The following PITPNM2 variants were observed in gnomAD, a reference collection of about 807,000 sequenced individuals.
PITPNM2 encodes the protein membrane-associated phosphatidylinositol transfer protein 2.
A neutral mutation model predicts 132.2 loss-of-function variants in PITPNM2; 35 were observed. That is an observed-to-expected ratio of 0.26 (90% CI 0.20 to 0.35). PITPNM2 has a LOEUF of 0.35. PITPNM2 is among the 10% of genes least tolerant of loss of function. The pLI is 1.00. For missense variants in PITPNM2, 1,332 were observed against 1,912.0 expected, an observed-to-expected ratio of 0.70 and a Z score of 5.66; for synonymous variants, 738 against 799.2, an observed-to-expected ratio of 0.92 and a Z score of 1.29.
intron 11 of PITPNM2, 116 bp from the exon 12 acceptor site, chr12:122,997,026 C>T (rs2038459160): frequency 9.0e-7 from 1 of 1,115,746 alleles, no homozygotes; most frequent in Non-Finnish European, 1.2e-6. Flanking sequence ...AGGACCCTTC[C>T]CGGCCAGGGC....
chr12:122,994,877 G>T lies in PITPNM2; in HGVS notation c.2157C>A (p.Ile719=), dbSNP rs759424312. 6.2e-7 allele frequency: 1 copy of T among 1,612,310 alleles called. No homozygotes were observed. ...TGALGRFDFE[I]TDLFLFGCPL... is the part of the protein sequence containing the mutation. ...GGCACCCGAAGAGGAAGAGGTCGGT[G>T]ATCTCAAAGTCAAACCTGCCCAGGG... Residue 719 remains isoleucine, a synonymous_variant, in exon 15 of 26, where the codon ATC becomes ATA. Transcript: ENST00000320201. The surrounding 1 kb of genome is among the most constrained non-coding windows in gnomAD (Gnocchi z 5.4).
chr12:122,990,305 G>A (rs534062224), intron 17 of PITPNM2, among the ~76,000 whole-genome samples: 2 of 152,372 alleles, frequency 1.3e-5, no homozygotes, highest in African/African-American at 4.8e-5. Flanking sequence ...ATCCTCCTGA[G>A]AAGGCGAAGC....
Position 123,117,692 on chromosome 12 carries a change from G to A in PITPNM2, c.-199-7204C>T, listed in dbSNP as rs1157623329. On this transcript the variant is annotated intron_variant, in intron 1 of 25. Transcript: ENST00000320201. The surrounding 1 kb of genome is among the most constrained non-coding windows in gnomAD (Gnocchi z 4.7). The stretch of plus-strand genomic sequence containing the variant: ...ACAGAAGTGCTCACTGGGCTCCTCA[G>A]ACGTGTGCCCCTGGAGCCCTGCTCT... 2.6e-5 allele frequency among the ~76,000 whole-genome samples: 4 copies of A among 152,232 alleles called. No individual in the cohort carries two copies. Among genetic ancestry groups the A allele is most frequent in the Non-Finnish European group, 5.9e-5 (4 of 68,038 alleles).
Position 123,095,423 on chromosome 12 carries a change from G to A in PITPNM2, c.-96+14962C>T, listed in dbSNP as rs777950849. 4.6e-5 allele frequency among the ~76,000 whole-genome samples: 7 copies of A among 152,124 alleles called. No homozygotes were observed. Among genetic ancestry groups the A allele is most frequent in the African/African-American group, 1.2e-4 (5 of 41,428 alleles). ...GCGTGCACCCACATGTGTACATCTC[G>A]ATTTTACAGGCTCTGTTAAAGCGCA... is the stretch of plus-strand genomic sequence containing the variant. On this transcript the variant is annotated intron_variant, in intron 2 of 25. Transcript: ENST00000320201. The surrounding 1 kb of genome is among the most constrained non-coding windows in gnomAD (Gnocchi z 5.0).
rs1292581277 is a variant in PITPNM2, at chr12:123,108,928, T to G, written c.-96+1457A>C. Among the ~76,000 whole-genome samples, 1 of 152,080 alleles carries G rather than the reference T, an allele frequency of 6.6e-6. No individual in the cohort carries two copies. Among genetic ancestry groups the G allele is most frequent in the African/African-American group, 2.4e-5 (1 of 41,410 alleles). ...GGCCCTGTGAGTCACAGGCCAAATT[T>G]GAAAAACCATGCCATGTGCTTCCAG... is the stretch of plus-strand genomic sequence containing the variant. On this transcript the variant is annotated intron_variant, in intron 2 of 25. Transcript: ENST00000320201. The surrounding 1 kb of genome is among the most constrained non-coding windows in gnomAD (Gnocchi z 4.4).
intron 1 of PITPNM2, among the ~76,000 whole-genome samples, chr12:123,120,898 A>ACC: frequency 6.6e-6 from 1 of 152,288 alleles, no homozygotes; most frequent in South Asian, 2.1e-4. Flanking sequence ...CGAAGACCAC[A>ACC]CCCAGATCAC....
intron 2 of PITPNM2, among the ~76,000 whole-genome samples, chr12:123,063,302 G>A (rs984317178): frequency 1.3e-5 from 2 of 152,232 alleles, no homozygotes; most frequent in African/African-American, 2.4e-5. Context: ...CTGCCCAGCC[G>A]GTGGCCTTAG....
intron 2 of PITPNM2, among the ~76,000 whole-genome samples, chr12:123,098,889 T>C (rs2137201349): frequency 6.6e-6 from 1 of 152,270 alleles, no homozygotes; most frequent in South Asian, 2.1e-4. Flanking sequence ...TCCCCAAAGA[T>C]ACCATGCACT....
Position 122,996,459 on chromosome 12 carries a change from T to C in PITPNM2, c.1781A>G (p.Gln594Arg). Residue 594 changes from glutamine to arginine, a missense_variant and splice_region_variant, in exon 13 of 26, where the codon CAG becomes CGG. Coordinates refer to ENST00000320201, the MANE Select transcript of PITPNM2 (RefSeq NM_020845.3). ...SSRRGSVVSM[Q>R]DNDLLSPGIL... The stretch of plus-strand genomic sequence containing the variant: ...CTGTCTGGGCCCCCACTTGGGTACC[T>C]GCATGCTGACCACGCTGCCCCGGCG... 6.2e-7 allele frequency: 1 copy of C among 1,613,038 alleles called. No individual in the cohort carries two copies.
Position 122,986,517 on chromosome 12 carries a change from C to T in PITPNM2, c.3645G>A (p.Ala1215=), listed in dbSNP as rs189936805. Residue 1215 remains alanine (A), a synonymous_variant, in exon 25 of 26, where the codon GCG becomes GCA. Transcript: ENST00000320201. ...GGGACAGGCTAATGGCGCTGTACAC[C>T]GCCACGTCCTTGGTGGAGCCATAGG... ...HAAYGSTKDV[A]VYSAISLSPM... 2.8e-5 allele frequency: 45 copies of T among 1,596,456 alleles called. 1 individual carries two copies. The highest frequency in any genetic ancestry group is 2.0e-4 in the South Asian group (18 of 89,150).
intron 1 of PITPNM2, among the ~76,000 whole-genome samples, chr12:123,128,392 A>AG: frequency 1.4e-5 from 2 of 147,712 alleles, no homozygotes; most frequent in African/African-American, 5.0e-5. Context: ...CAGTGAGCTA[A>AG]ATCACGCCAC....
chr12:123,103,544 G>A (rs1221872607), intron 2 of PITPNM2, among the ~76,000 whole-genome samples: 2 of 152,228 alleles, frequency 1.3e-5, no homozygotes, highest in Admixed American at 6.5e-5. Context: ...AGCGGAGGCT[G>A]GGCTTGGCCT....
Position 122,992,700 on chromosome 12 carries a change from G to A in PITPNM2, c.2234-31C>T, listed in dbSNP as rs1406458804. The A allele has an allele frequency of 6.6e-7, 1 of 1,522,834 alleles. No homozygotes were observed. The highest frequency in any genetic ancestry group is 1.4e-5 in the African/African-American group (1 of 71,572). 94.3% of individuals were successfully genotyped at this position (1,522,834 alleles called of 1,614,324 possible). A position where few individuals can be genotyped will look rare whatever the true frequency, so the allele number is the denominator to read the frequency against. On this transcript the variant is annotated intron_variant, in intron 15 of 25. Transcript: ENST00000320201. This position sits in a 1 kb window ranked among gnomAD's most constrained non-coding sequence, Gnocchi z 6.5. ...GGTGGGGGTGTTGGCTGCAGAGCTG[G>A]GGCTGGCCCTGAGGAGCAGTGGTGG...
At chr12:122,988,045 C>T (rs2038013959) in intron 20 of PITPNM2, 144 bp from the exon 21 acceptor site, 6 of 939,258 alleles carry the variant, frequency 6.4e-6, no homozygotes, top group South Asian at 1.5e-5. Context: ...GACACGATGA[C>T]GTGGCTTTGG....
Position 122,985,071 on chromosome 12 carries a change from C to T in PITPNM2, c.*956G>A, listed in dbSNP as rs2037879886. 2 of 152,516 alleles carry T rather than the reference C, an allele frequency of 1.3e-5. No homozygotes were observed. The highest frequency in any genetic ancestry group is 2.1e-4 in the South Asian group (1 of 4,832). The allele number at this position is 152,516 out of a possible 1,614,324, so 9.4% of individuals were successfully genotyped here. On this transcript the variant is annotated 3_prime_UTR_variant, in exon 26 of 26. Transcript: ENST00000320201. ...CAGGTGAGGCAAGGAGCCCATGCCT[C>T]GCTAAGTGGGCAGGAGCAGGGCCCA...
chr12:123,008,030 A>T lies in PITPNM2; in HGVS notation c.643+1820T>A, dbSNP rs2039014920. The stretch of plus-strand genomic sequence containing the variant: ...TGAACCCACGGTCTCGGCCCACAAC[A>T]GTCCGATAGGATCGGTGTCATTACA... On this transcript the variant is annotated intron_variant, in intron 6 of 25. Transcript: ENST00000320201. The surrounding 1 kb of genome is among the most constrained non-coding windows in gnomAD (Gnocchi z 4.1). Among the ~76,000 whole-genome samples, 1 of 152,260 alleles carries T rather than the reference A, an allele frequency of 6.6e-6. No homozygotes were observed. Among genetic ancestry groups the T allele is most frequent in the Non-Finnish European group, 1.5e-5 (1 of 68,052 alleles).
rs1312366299 is a variant in PITPNM2, at chr12:122,997,359, G to A, written c.1438C>T (p.Pro480Ser). The change falls in exon 11 of 26, where the codon CCC (proline) becomes TCC (serine). Residue 480 changes from proline to serine, a missense_variant. By Grantham distance (74) the Pro-to-Ser change is moderately conservative. Around this residue, in one of 6 missense-constraint regions of PITPNM2, gnomAD observed 710 missense variants for 911.5 expected, o/e 0.78. Coordinates refer to ENST00000320201, the MANE Select transcript of PITPNM2 (RefSeq NM_020845.3). ...AGGGCAAAGGCGTCAGAGCAGACGG[G>A]CGGGCAGGGCACCAGGCGGATGGCA... ...RLAIRLVPCP[P>S]VCSDAFALVS... The A allele has an allele frequency of 1.9e-6, 3 of 1,613,192 alleles. No individual in the cohort carries two copies. In the Admixed American group the frequency reaches 5.0e-5, roughly 27 times the overall value.
chr12:123,088,737 G>A (rs2042182578), intron 2 of PITPNM2: 1 of 152,194 alleles, frequency 6.6e-6, no homozygotes, highest in Non-Finnish European at 1.5e-5. Context: ...TCTTTGTTGG[G>A]GGGAGAGGGA....
rs765231704 is a variant in PITPNM2, at chr12:123,004,496, G to A, written c.953-7C>T. On this transcript the variant is annotated splice_region_variant and splice_polypyrimidine_tract_variant and intron_variant, in intron 7 of 25. Coordinates refer to ENST00000320201, the MANE Select transcript of PITPNM2 (RefSeq NM_020845.3). This position sits in a 1 kb window ranked among gnomAD's most constrained non-coding sequence, Gnocchi z 4.9. The stretch of plus-strand genomic sequence containing the variant: ...CTGTGGCGGGAAGGACTCGCTGGAA[G>A]GCAAAACCCCAGATTGACCGCCAAC... 2 of 1,613,512 alleles carry A rather than the reference G, an allele frequency of 1.2e-6. No individual in the cohort carries two copies. The highest frequency in any genetic ancestry group is 1.7e-5 in the Admixed American group (1 of 60,016).
Sources: gnomAD v4.1 joint callset for allele counts (sites outside exome capture counted in the v4.1 genomes callset) on GRCh38, gnomAD v4.1.1 for gene constraint, gnomAD v4.1.1 regional missense constraint, Gnocchi (gnomAD v3.1) non-coding constraint, MANE v1.5 for transcripts, NCBI Gene and HGNC (gene_info 2026-07-23, HGNC 2026-07-21) for gene names.